Variants in MLLT3 observed in about 807,000 individuals in gnomAD.
MLLT3 encodes MLLT3 super elongation complex subunit.
A neutral mutation model predicts 53.2 loss-of-function variants in MLLT3; 4 were observed. The observed-to-expected ratio is 0.08, with a 90% CI of 0.04 to 0.17. The LOEUF (loss-of-function observed/expected upper bound fraction) is 0.17. Among genes scored for constraint, MLLT3 ranks in the 10% least tolerant of loss-of-function variants. MLLT3 has a pLI of 1.00. For missense variants in MLLT3, 569 were observed against 684.0 expected (o/e 0.83, Z 1.87); for synonymous variants, 283 against 230.6 (o/e 1.23, Z -2.06).
At chr9:20,402,347 G>A (rs1041701236) in intron 5 of MLLT3, among the ~76,000 whole-genome samples, 2 of 152,148 alleles carry the variant, frequency 1.3e-5, no homozygotes, top group Non-Finnish European at 2.9e-5. Context: ...AGGATATGAA[G>A]GTGCCATAGT....
chr9:20,480,104 C>T (rs924330188), intron 2 of MLLT3, among the ~76,000 whole-genome samples: 2 of 152,168 alleles, frequency 1.3e-5, no homozygotes, highest in Admixed American at 6.5e-5. Flanking sequence ...CTTTGCCAAA[C>T]CTCATATCCT....
chr9:20,471,833 A>ATTT (rs202241460), intron 2 of MLLT3, among the ~76,000 whole-genome samples: 1 of 143,220 alleles, frequency 7.0e-6, no homozygotes, highest in Non-Finnish European at 1.5e-5. Flanking sequence ...GTCACCTACC[A>ATTT]TTTTTTTTTT....
At chr9:20,349,658 AG>A (rs141164469) in intron 10 of MLLT3, among the ~76,000 whole-genome samples, 1,649 of 152,342 alleles carry the variant, frequency 0.011, 29 homozygotes, top group African/African-American at 0.035. Context: ...CTAGAAAAAA[AG>A]CCACTTAATT....
Position 20,369,364 on chromosome 9 carries a change from C to G in MLLT3, c.1126-3620G>C, listed in dbSNP as rs370192109. ...TCTGCCTTTCTTCCTTAAACACACACACAAAAACACATTTTTGAAAGAATT... is the reference window on the plus strand; with the variant it reads ...TCTGCCTTTCTTCCTTAAACACACAGACAAAAACACATTTTTGAAAGAATT... On this transcript the variant is annotated intron_variant, in intron 5 of 10. Transcript: ENST00000380338. Among the ~76,000 whole-genome samples, 21 of 152,272 alleles carry G rather than the reference C, an allele frequency of 1.4e-4. No individual in the cohort carries two copies. The South Asian group carries it at 4.1e-3, about 30-fold the overall frequency.
chr9:20,519,854 C>T (rs1372042039), intron 2 of MLLT3, among the ~76,000 whole-genome samples: 2 of 152,080 alleles, frequency 1.3e-5, no homozygotes, highest in Non-Finnish European at 2.9e-5. Flanking sequence ...TAGGTATATA[C>T]CCAAAGGAAT....
intron 2 of MLLT3, among the ~76,000 whole-genome samples, chr9:20,616,602 C>T (rs1820840159): frequency 6.6e-6 from 1 of 152,138 alleles, no homozygotes; most frequent in Non-Finnish European, 1.5e-5. Flanking sequence ...TACAGACATA[C>T]ACTTGTATAG....
At chr9:20,410,876 C>G (rs4382555) in intron 5 of MLLT3, among the ~76,000 whole-genome samples, 116 of 152,136 alleles carry the variant, frequency 7.6e-4, no homozygotes, top group Non-Finnish European at 1.4e-3. Context: ...CCCAGCCTTC[C>G]TTATACTTCA....
At position 20,345,678 on chromosome 9, in the gene MLLT3, T is replaced by C. The variant is rs1286808810; in HGVS notation, c.*765A>G. The C allele has an allele frequency of 9.3e-6, 2 of 215,992 alleles. No homozygotes were observed. The highest frequency in any genetic ancestry group is 1.9e-5 in the Non-Finnish European group (2 of 106,912). 13.4% of individuals were successfully genotyped at this position (215,992 alleles called of 1,614,324 possible). A position where few individuals can be genotyped will look rare whatever the true frequency, so the allele number is the denominator to read the frequency against. ...TTGACTAAGGCTAGACAGCAATTCA[T>C]ATGATCCTATTTGGTGCATTTTCTA... On this transcript the variant is annotated 3_prime_UTR_variant, in exon 11 of 11. Transcript: ENST00000380338.
chr9:20,588,072 T>C (rs1259896040), intron 2 of MLLT3, among the ~76,000 whole-genome samples: 1 of 151,756 alleles, frequency 6.6e-6, no homozygotes, highest in Non-Finnish European at 1.5e-5. Flanking sequence ...CTAGCCAGTT[T>C]TCCCAGCACC....
chr9:20,462,526 G>A (rs944983349), intron 2 of MLLT3, among the ~76,000 whole-genome samples: 1 of 151,936 alleles, frequency 6.6e-6, no homozygotes, highest in African/African-American at 2.4e-5. Flanking sequence ...TACAGTTAGC[G>A]GAGAAGATGC....
At chr9:20,493,313 C>T (rs967880642) in intron 2 of MLLT3, among the ~76,000 whole-genome samples, 2 of 151,976 alleles carry the variant, frequency 1.3e-5, no homozygotes, top group Non-Finnish European at 2.9e-5. Context: ...CCAGCCTTTT[C>T]AACAGGTGTT....
intron 2 of MLLT3, among the ~76,000 whole-genome samples, chr9:20,462,440 T>C (rs542534463): frequency 2.6e-4 from 39 of 152,196 alleles, no homozygotes; most frequent in Middle Eastern, 3.2e-3. Context: ...AATTGCTTCC[T>C]ATACAATAAG....
chr9:20,432,624 A>T (rs1478949621), intron 4 of MLLT3, among the ~76,000 whole-genome samples: 1 of 151,378 alleles, frequency 6.6e-6, no homozygotes, highest in Admixed American at 6.6e-5. Flanking sequence ...TAATATAGAA[A>T]AAGAAGTCAC....
intron 3 of MLLT3, among the ~76,000 whole-genome samples, chr9:20,452,714 T>G (rs1454522167): frequency 6.6e-6 from 1 of 152,158 alleles, no homozygotes; most frequent in Non-Finnish European, 1.5e-5. Flanking sequence ...ATAAAAAATA[T>G]ATCCAGCTGG....
intron 2 of MLLT3, among the ~76,000 whole-genome samples, chr9:20,534,663 G>A (rs1224304415): frequency 6.6e-6 from 1 of 152,166 alleles, no homozygotes; most frequent in South Asian, 2.1e-4. Context: ...AAGGCGGGCG[G>A]ATCACGAGGT....
chr9:20,423,897 C>A (rs1414115719), intron 4 of MLLT3, among the ~76,000 whole-genome samples: 2 of 151,986 alleles, frequency 1.3e-5, no homozygotes, highest in African/African-American at 4.8e-5. Context: ...TAGGAAGTCA[C>A]TGCACTCCAG....
chr9:20,622,022 AGCGT>A, intron 1 of MLLT3: 2 of 1,139,792 alleles, frequency 1.8e-6, no homozygotes, highest in Non-Finnish European at 1.1e-6. Context: ...GGCGAGTGTG[AGCGT>A]GTGTGAGTGT....
chr9:20,493,670 C>T (rs1476459812), intron 2 of MLLT3, among the ~76,000 whole-genome samples: 1 of 151,794 alleles, frequency 6.6e-6, no homozygotes, highest in African/African-American at 2.4e-5. Flanking sequence ...TATAATGAGA[C>T]ATCAAAAACA....
intron 2 of MLLT3, among the ~76,000 whole-genome samples, chr9:20,588,219 G>A (rs1317231820): frequency 6.6e-6 from 1 of 151,414 alleles, no homozygotes; most frequent in African/African-American, 2.4e-5. Flanking sequence ...TTTGGTACCA[G>A]TACCATGCTG....
Sources: gnomAD v4.1 joint callset for allele counts (sites outside exome capture counted in the v4.1 genomes callset) on GRCh38, gnomAD v4.1.1 for gene constraint, MANE v1.5 for transcripts, NCBI Gene and HGNC (gene_info 2026-07-23, HGNC 2026-07-21) for gene names.